RSU1: variants seen among roughly 807,000 people sequenced by gnomAD.
The protein encoded by RSU1 is Ras suppressor protein 1.
A neutral mutation model predicts 31.1 loss-of-function variants in RSU1; 26 were observed. That is an observed-to-expected ratio of 0.84 (90% CI 0.61 to 1.16). The LOEUF (loss-of-function observed/expected upper bound fraction) is 1.16, where lower values mean the gene tolerates loss of function less well. Ranked by LOEUF, RSU1 falls within the 50% of genes most tolerant of loss-of-function variation. RSU1 has a pLI of 0.00. For synonymous variants in RSU1, 164 were observed against 136.3 expected (o/e 1.20, Z -1.41); for missense variants, 320 against 339.1 (o/e 0.94, Z 0.44).
chr10:16,809,236 C>T (rs1202525655), intron 2 of RSU1, among the ~76,000 whole-genome samples: 4 of 152,188 alleles, frequency 2.6e-5, no homozygotes, highest in Non-Finnish European at 5.9e-5. Flanking sequence ...TGATTGGAAA[C>T]ATGCTCTGAT....
chr10:16,633,038 T>C (rs1417136577), intron 8 of RSU1, among the ~76,000 whole-genome samples: 2 of 152,212 alleles, frequency 1.3e-5, no homozygotes, highest in East Asian at 1.9e-4. Context: ...TTCTCAGCCT[T>C]GGCACTGAGA....
chr10:16,762,294 TTA>T (rs57480136), intron 4 of RSU1, among the ~76,000 whole-genome samples: 7 of 149,752 alleles, frequency 4.7e-5, no homozygotes, highest in African/African-American at 9.8e-5. Context: ...GATTGAGATT[TTA>T]TATATATATA....
At position 16,593,170 on chromosome 10, in the gene RSU1, G is replaced by T; in HGVS notation, c.*224C>A. ...AATAAGAGCTTTGTTCCCTGCTTTTGGTAATGTTAAAGAAACAAATGGAAA... is the reference window on the plus strand; with the variant it reads ...AATAAGAGCTTTGTTCCCTGCTTTTTGTAATGTTAAAGAAACAAATGGAAA... On this transcript the variant is annotated 3_prime_UTR_variant, in exon 9 of 9. Coordinates refer to ENST00000345264, the MANE Select transcript of RSU1 (RefSeq NM_012425.4). 2 of 739,998 alleles carry T rather than the reference G, an allele frequency of 2.7e-6. No individual in the cohort carries two copies. The highest frequency in any genetic ancestry group is 3.9e-6 in the Non-Finnish European group (2 of 516,740). The allele number at this position is 739,998 out of a possible 1,614,324, so 45.8% of individuals were successfully genotyped here.
At chr10:16,608,419 C>G (rs2131465636) in intron 8 of RSU1, among the ~76,000 whole-genome samples, 1 of 120,042 alleles carries the variant, frequency 8.3e-6, no homozygotes, top group East Asian at 2.3e-4. Context: ...ACCCAGCTAC[C>G]TACTACCTAC....
intron 7 of RSU1, among the ~76,000 whole-genome samples, chr10:16,697,833 C>T (rs1225927374): frequency 2.0e-5 from 3 of 151,940 alleles, no homozygotes; most frequent in Admixed American, 1.3e-4. Flanking sequence ...ATCTTTCCTT[C>T]TTCTGCAAAA....
At chr10:16,621,057 A>C (rs1331802021) in intron 8 of RSU1, among the ~76,000 whole-genome samples, 2 of 152,184 alleles carry the variant, frequency 1.3e-5, no homozygotes, top group South Asian at 2.1e-4. Flanking sequence ...AGAAGAATTA[A>C]AGCAACAAAA....
At chr10:16,742,438 G>C (rs946118067) in intron 7 of RSU1, among the ~76,000 whole-genome samples, 3 of 151,790 alleles carry the variant, frequency 2.0e-5, no homozygotes, top group Non-Finnish European at 4.4e-5. Context: ...ACTCACACAC[G>C]CATGCAATAC....
intron 7 of RSU1, among the ~76,000 whole-genome samples, chr10:16,698,822 C>T (rs1442777580): frequency 1.3e-5 from 2 of 152,220 alleles, no homozygotes; most frequent in Non-Finnish European, 2.9e-5. Flanking sequence ...ATCATCTTCA[C>T]TTATATCACT....
chr10:16,726,898 C>A, intron 7 of RSU1: 1 of 364,806 alleles, frequency 2.7e-6, no homozygotes, highest in South Asian at 2.1e-5. Context: ...AAAACAAAAT[C>A]CACCATGCAG....
intron 7 of RSU1, among the ~76,000 whole-genome samples, chr10:16,702,051 T>C (rs960066724): frequency 6.6e-6 from 1 of 152,252 alleles, no homozygotes; most frequent in African/African-American, 2.4e-5. Flanking sequence ...GCTCAGGTAA[T>C]GTTAGGACAT....
chr10:16,623,828 A>G (rs1834112544), intron 8 of RSU1, among the ~76,000 whole-genome samples: 1 of 152,192 alleles, frequency 6.6e-6, no homozygotes, highest in Admixed American at 6.5e-5. Flanking sequence ...TTATCTTCAT[A>G]AAACCCTTCT....
intron 8 of RSU1, among the ~76,000 whole-genome samples, chr10:16,601,591 T>C (rs2131458127): frequency 6.6e-6 from 1 of 152,292 alleles, no homozygotes; most frequent in East Asian, 1.9e-4. Flanking sequence ...TGACTTCCCT[T>C]CCCAGTGTGT....
intron 8 of RSU1, among the ~76,000 whole-genome samples, chr10:16,647,434 C>T (rs1165079605): frequency 3.3e-5 from 5 of 152,150 alleles, no homozygotes; most frequent in Admixed American, 6.5e-5. Context: ...TATGTCCATG[C>T]AAAAACTTGT....
Position 16,785,976 on chromosome 10 carries a change from A to C in RSU1, c.110-3892T>G, listed in dbSNP as rs1324021418. Among the ~76,000 whole-genome samples, 4 of 152,046 alleles carry C rather than the reference A, an allele frequency of 2.6e-5. No individual in the cohort carries two copies. In the East Asian group the frequency reaches 5.8e-4, roughly 22 times the overall value. The stretch of plus-strand genomic sequence containing the variant: ...GATCAAGGCAACTTCCCCACCCCCC[A>C]CAATTGGGATATCTGACAATGTCTG... On this transcript the variant is annotated intron_variant, in intron 2 of 8. Coordinates refer to ENST00000345264, the MANE Select transcript of RSU1 (RefSeq NM_012425.4).
At chr10:16,745,337 T>G (rs1836828999) in intron 7 of RSU1, among the ~76,000 whole-genome samples, 1 of 152,204 alleles carries the variant, frequency 6.6e-6, no homozygotes, top group Non-Finnish European at 1.5e-5. Flanking sequence ...ATTACCCTCA[T>G]TTTACATGAG....
At chr10:16,721,241 T>C (rs1836255446) in intron 7 of RSU1, 1 of 152,292 alleles carries the variant, frequency 6.6e-6, no homozygotes, top group African/African-American at 2.4e-5. Context: ...CTGGAGGAGA[T>C]GCTTAACCAG....
At chr10:16,629,713 G>C (rs1398413697) in intron 8 of RSU1, among the ~76,000 whole-genome samples, 1 of 152,078 alleles carries the variant, frequency 6.6e-6, no homozygotes. Flanking sequence ...TGGAACAATG[G>C]AATTTATGTA....
chr10:16,590,690 G>A lies in RSU1; in HGVS notation c.*2704C>T, dbSNP rs1321391802. On this transcript the variant is annotated 3_prime_UTR_variant, in exon 9 of 9. Coordinates refer to ENST00000345264, the MANE Select transcript of RSU1 (RefSeq NM_012425.4). Reference sequence around the variant, plus strand: ...GTTCATTAGAAAAAATTTAAGTACAGAATGAATAAGTAAAATTCTAGAAAG... The same window carrying A: ...GTTCATTAGAAAAAATTTAAGTACAAAATGAATAAGTAAAATTCTAGAAAG... 1 of 152,136 alleles carries A rather than the reference G, an allele frequency of 6.6e-6. No homozygotes were observed. Among genetic ancestry groups the A allele is most frequent in the Non-Finnish European group, 1.5e-5 (1 of 68,028 alleles). 9.4% of individuals were successfully genotyped at this position (152,136 alleles called of 1,614,324 possible).
chr10:16,765,599 T>A (rs186260649), intron 3 of RSU1, among the ~76,000 whole-genome samples: 2 of 152,210 alleles, frequency 1.3e-5, no homozygotes, highest in African/African-American at 4.8e-5. Flanking sequence ...GCAGCAGGAG[T>A]TTCCATAGAC....
Sources: allele counts gnomAD v4.1 joint callset (sites outside exome capture counted in the v4.1 genomes callset), GRCh38; gene constraint gnomAD v4.1.1; transcripts MANE v1.5; gene names NCBI Gene and HGNC (gene_info 2026-07-23, HGNC 2026-07-21).